ZNF724: variants seen among roughly 807,000 people sequenced by gnomAD.
The protein encoded by ZNF724 is zinc finger protein 724 pseudogene.
Under a neutral mutation model 29.3 loss-of-function variants are expected in ZNF724, and 14 were observed. That is an observed-to-expected ratio of 0.48 (90% confidence interval 0.32 to 0.75). The LOEUF (loss-of-function observed/expected upper bound fraction) is 0.75. ZNF724 is among the 30% of genes least tolerant of loss of function. ZNF724 has a pLI of 0.04. For synonymous variants in ZNF724, 180 were observed against 193.6 expected (o/e 0.93, Z 0.58); for missense variants, 557 against 571.2 (o/e 0.98, Z 0.25).
rs772582819 is a variant in ZNF724 at position 23,223,759 on chromosome 19, T to G, written c.486A>C (p.Arg162Ser). ...KDFHKFSNSN[R>S]HKTEKNPFKC... ...TGAAAGGATTCTTTTCAGTCTTATG[T>G]CTATTTGAATTTGAAAATTTATGAA... Residue 162 changes from arginine to serine, a missense_variant, in exon 4 of 4, where the codon AGA (arginine) becomes AGC (serine). By Grantham distance (110) the Arg-to-Ser change is moderately radical (BLOSUM62 -1). Transcript: ENST00000418100. 1.3e-6 allele frequency: 1 copy of G among 752,058 alleles called. No homozygotes were observed. Among genetic ancestry groups the G allele is most frequent in the Non-Finnish European group, 2.5e-6 (1 of 404,756 alleles). The allele number at this position is 752,058 out of a possible 1,614,324, so 46.6% of individuals were successfully genotyped here. A position where few individuals can be genotyped will look rare whatever the true frequency, so the allele number is the denominator to read the frequency against.
chr19:23,245,366 C>T (rs937778143), intron 1 of ZNF724, among the ~76,000 whole-genome samples: 17 of 152,332 alleles, frequency 1.1e-4, no homozygotes, highest in Non-Finnish European at 2.1e-4. Context: ...GTAATCCCAG[C>T]ACTTTGGGAG....
chr19:23,225,043 G>T (rs889357582), intron 3 of ZNF724, among the ~76,000 whole-genome samples: 13 of 151,890 alleles, frequency 8.6e-5, no homozygotes, highest in African/African-American at 3.1e-4. Flanking sequence ...TATGTTGATT[G>T]TTGATGGAAA....
intron 1 of ZNF724, among the ~76,000 whole-genome samples, chr19:23,242,317 G>A (rs1013783679): frequency 2.0e-5 from 3 of 152,048 alleles, no homozygotes; most frequent in African/African-American, 4.8e-5. Flanking sequence ...GATGACTCAC[G>A]CCTATAATCC....
chr19:23,238,238 G>A (rs557495966), intron 1 of ZNF724, among the ~76,000 whole-genome samples: 47 of 152,178 alleles, frequency 3.1e-4, no homozygotes, highest in Middle Eastern at 3.4e-3. Context: ...GGTGGTGGGC[G>A]CCTGTAGTAC....
At chr19:23,233,045 T>C (rs1432188706) in intron 1 of ZNF724, among the ~76,000 whole-genome samples, 1 of 152,168 alleles carries the variant, frequency 6.6e-6, no homozygotes, top group African/African-American at 2.4e-5. Flanking sequence ...TAGCCTCAAC[T>C]GCACTAGGAC....
intron 1 of ZNF724, among the ~76,000 whole-genome samples, chr19:23,244,984 T>G (rs1677177958): frequency 6.6e-6 from 1 of 151,880 alleles, no homozygotes; most frequent in Non-Finnish European, 1.5e-5. Context: ...AGAAAAGAGG[T>G]GGGGAGAGAT....
intron 1 of ZNF724, among the ~76,000 whole-genome samples, chr19:23,248,077 A>G (rs1305290600): frequency 6.6e-6 from 1 of 152,178 alleles, no homozygotes; most frequent in African/African-American, 2.4e-5. Flanking sequence ...ACTGACCCCC[A>G]AAGCATTATG....
intron 1 of ZNF724, among the ~76,000 whole-genome samples, chr19:23,245,850 C>T (rs1330881178): frequency 1.3e-5 from 2 of 152,060 alleles, no homozygotes; most frequent in African/African-American, 2.4e-5. Flanking sequence ...AGTCTAGAAA[C>T]GCCTCAAAGC....
In ZNF724 at chr19:23,223,952, A is replaced by T; in HGVS notation, c.293T>A (p.Ile98Lys). 1.3e-6 allele frequency: 1 copy of T among 745,574 alleles called. No individual in the cohort carries two copies. 46.2% of individuals were successfully genotyped at this position (745,574 alleles called of 1,614,324 possible). Residue 98 changes from isoleucine to lysine, a missense_variant, in exon 4 of 4, where the codon ATA becomes AAA. Coordinates refer to ENST00000418100, the MANE Select transcript of ZNF724 (RefSeq NM_001355404.2). Reference protein sequence around the residue: ...EQSIKASLQRIILRKYEKCGH... With the variant: ...EQSIKASLQRKILRKYEKCGH... ...ACATTTTTCATATTTTCTCAGTATT[A>T]TTCTTTGCAAAGAAGCTTTTATGCT...
chr19:23,237,990 G>A (rs1354255326), intron 1 of ZNF724, among the ~76,000 whole-genome samples: 3 of 152,136 alleles, frequency 2.0e-5, no homozygotes, highest in Non-Finnish European at 4.4e-5. Flanking sequence ...GTATTGCTAA[G>A]TTTAATCCTA....
chr19:23,226,744 C>T (rs1298665618), intron 3 of ZNF724, among the ~76,000 whole-genome samples: 3 of 151,874 alleles, frequency 2.0e-5, no homozygotes, highest in Non-Finnish European at 2.9e-5. Flanking sequence ...CAAGATAGGC[C>T]ATAACCATAA....
chr19:23,229,272 G>A (rs1022062963), intron 3 of ZNF724, among the ~76,000 whole-genome samples: 1 of 151,992 alleles, frequency 6.6e-6, no homozygotes, highest in South Asian at 2.1e-4. Flanking sequence ...AACTTACCCC[G>A]TAACCATCTC....
chr19:23,231,153 G>A (rs1193436045), intron 3 of ZNF724, 113 bp downstream of exon 3: 4 of 838,994 alleles, frequency 4.8e-6, no homozygotes, highest in Non-Finnish European at 7.2e-6. Flanking sequence ...CAAGTGCTGG[G>A]ATTACAGGCA....
intron 1 of ZNF724, among the ~76,000 whole-genome samples, chr19:23,234,369 C>T (rs1971988696): frequency 6.6e-6 from 1 of 152,164 alleles, no homozygotes; most frequent in Non-Finnish European, 1.5e-5. Context: ...ATCCAAGTTA[C>T]TTAGAATGGC....
intron 3 of ZNF724, among the ~76,000 whole-genome samples, chr19:23,226,068 T>G (rs1971820924): frequency 7.7e-6 from 1 of 129,550 alleles, no homozygotes. Flanking sequence ...TTTTTTTTTT[T>G]TGAGATGGAG....
chr19:23,223,262 T>TTAAA lies in ZNF724; in HGVS notation c.982_983insTTTA (p.His328LeufsTer2), dbSNP rs1971757342. 1 of 856,384 alleles carries TTAAA rather than the reference T, an allele frequency of 1.2e-6. No homozygotes were observed. Among genetic ancestry groups the TTAAA allele is most frequent in the Non-Finnish European group, 2.0e-6 (1 of 495,280 alleles). The allele number at this position is 856,384 out of a possible 1,614,324, so 53.0% of individuals were successfully genotyped here. ...TTTATCACCAGTATGAATTCTCTTA[T>TTAAA]GTTTAGTAAGGTTCGAGGATTGGTT... On this transcript the variant is annotated stop_gained and frameshift_variant, in exon 4 of 4. Coordinates refer to ENST00000418100, the MANE Select transcript of ZNF724 (RefSeq NM_001355404.2). LOFTEE classifies it high-confidence loss of function.
intron 1 of ZNF724, among the ~76,000 whole-genome samples, chr19:23,234,900 C>A (rs556314612): frequency 6.6e-6 from 1 of 152,196 alleles, no homozygotes; most frequent in African/African-American, 2.4e-5. Context: ...CTAGGCTCAT[C>A]ATTAGAATTG....
intron 1 of ZNF724, among the ~76,000 whole-genome samples, chr19:23,234,187 T>A (rs1165667427): frequency 1.3e-5 from 2 of 152,182 alleles, no homozygotes; most frequent in African/African-American, 4.8e-5. Context: ...CTCATGAATG[T>A]ATCTTGAACC....
At position 23,222,973 on chromosome 19, in the gene ZNF724, A is replaced by G. The variant is rs751640915; in HGVS notation, c.1272T>C (p.Cys424=). 6.5e-6 allele frequency: 9 copies of G among 1,382,074 alleles called. No individual in the cohort carries two copies. Among genetic ancestry groups the G allele is most frequent in the Middle Eastern group, 3.6e-4 (2 of 5,628 alleles). The allele number at this position is 1,382,074 out of a possible 1,614,324, so 85.6% of individuals were successfully genotyped here. A position where few individuals can be genotyped will look rare whatever the true frequency, so the allele number is the denominator to read the frequency against. ...GGTTAAAGGCTTTGCCACATTCTTCACATTTGTAGGGTTTCTCTCCGGTAT... is the reference window on the plus strand; with the variant it reads ...GGTTAAAGGCTTTGCCACATTCTTCGCATTTGTAGGGTTTCTCTCCGGTAT... ...RIHTGEKPYK[C]EECGKAFNQF... is the part of the protein sequence containing the mutation. The change falls in exon 4 of 4, where the codon TGT becomes TGC. Residue 424 remains cysteine, a synonymous_variant. Transcript: ENST00000418100.
Sources: allele counts gnomAD v4.1 joint callset (sites outside exome capture counted in the v4.1 genomes callset), GRCh38; gene constraint gnomAD v4.1.1; transcripts MANE v1.5; gene names NCBI Gene and HGNC (gene_info 2026-07-23, HGNC 2026-07-21).